The following FOXP3 variants were observed in gnomAD, a reference collection of about 807,000 sequenced individuals.
FOXP3 encodes the protein forkhead box P3.
FOXP3 carries 5 observed loss-of-function variants against 31.2 expected under a neutral mutation model. That is an observed-to-expected ratio of 0.16 (90% confidence interval 0.08 to 0.34). FOXP3 has a LOEUF of 0.34. Ranked by LOEUF, FOXP3 falls within the 10% of genes least tolerant of loss-of-function variation. The probability of loss-of-function intolerance (pLI) is 1.00; values close to 1 mark genes in which losing one functional copy is unlikely to be tolerated. For missense variants in FOXP3, 251 were observed against 363.0 expected (o/e 0.69, Z 2.51); for synonymous variants, 141 against 148.8 (o/e 0.95, Z 0.38).
intron 6 of FOXP3, among the ~76,000 whole-genome samples, chrX:49,256,546 A>G (rs782069205): frequency 8.9e-6 from 1 of 112,413 alleles, no homozygotes; most frequent in Non-Finnish European, 1.9e-5. Context: ...TATACATACG[A>G]GAAAACTGAG....
chrX:49,251,560 C>T (rs782758976), intron 11 of FOXP3, 77 bp from the exon 12 acceptor site: 65 of 1,208,303 alleles, frequency 5.4e-5, no homozygotes, highest in Non-Finnish European at 2.7e-5. Context: ...ACCCACATCC[C>T]GTTCCTCCCC....
Position 49,251,241 on chromosome X carries a change from G to T in FOXP3, c.*93C>A. ...AAACCTCACTTCTTGGTCCCTGTGG[G>T]CACATCCAGGGCCTATCATCCCTGC... On this transcript the variant is annotated 3_prime_UTR_variant, in exon 12 of 12. Transcript: ENST00000376207. 9.6e-7 allele frequency: 1 copy of T among 1,036,957 alleles called. No homozygotes were observed. Among genetic ancestry groups the T allele is most frequent in the Non-Finnish European group, 1.3e-6 (1 of 755,887 alleles). 85.5% of individuals were successfully genotyped at this position (1,036,957 alleles called of 1,213,427 possible). A position where few individuals can be genotyped will look rare whatever the true frequency, so the allele number is the denominator to read the frequency against.
intron 1 of FOXP3, among the ~76,000 whole-genome samples, chrX:49,260,027 A>T (rs1346809186): frequency 9.0e-6 from 1 of 110,828 alleles, no homozygotes; most frequent in Non-Finnish European, 1.9e-5. Flanking sequence ...TGTGGTGCTG[A>T]GGGAGATGAG....
At chrX:49,259,239 A>G (rs1557116892) in intron 1 of FOXP3, 1 of 525,699 alleles carries the variant, frequency 1.9e-6, no homozygotes, top group Non-Finnish European at 3.5e-6. Flanking sequence ...GATGGGGGAC[A>G]TGGCGGGGAG....
intron 1 of FOXP3, chrX:49,259,252 G>C: frequency 1.9e-6 from 1 of 525,675 alleles, no homozygotes; most frequent in South Asian, 2.5e-5. Flanking sequence ...GCGGGGAGTT[G>C]GATTGGGTGC....
At chrX:49,263,331 G>A (rs1428344793) in intron 1 of FOXP3, among the ~76,000 whole-genome samples, 1 of 112,105 alleles carries the variant, frequency 8.9e-6, no homozygotes, top group Non-Finnish European at 1.9e-5. Context: ...AGTAGAGGGA[G>A]CATAAAATAG....
At position 49,250,703 on chromosome X, in the gene FOXP3, CGTGT is replaced by C. The variant is rs2066024003; in HGVS notation, c.*627_*630del. On this transcript the variant is annotated 3_prime_UTR_variant, in exon 12 of 12. Coordinates refer to ENST00000376207, the MANE Select transcript of FOXP3 (RefSeq NM_014009.4). ...GATACACAGGTGAATTCTAACAGGC[CGTGT>C]GTGTGAGCGAGCACGTGTTGGGACC... 3.8e-6 allele frequency: 1 copy of C among 261,267 alleles called. No homozygotes were observed. The highest frequency in any genetic ancestry group is 7.2e-6 in the Non-Finnish European group (1 of 139,580). 21.5% of individuals were successfully genotyped at this position (261,267 alleles called of 1,213,427 possible). A position where few individuals can be genotyped will look rare whatever the true frequency, so the allele number is the denominator to read the frequency against.
intron 1 of FOXP3, among the ~76,000 whole-genome samples, chrX:49,263,172 CCA>C (rs2066120117): frequency 3.0e-5 from 1 of 33,126 alleles, no homozygotes; most frequent in Non-Finnish European, 8.0e-5. Flanking sequence ...GACCAGACAA[CCA>C]AAAAAAAAAA....
In FOXP3 at chrX:49,251,107, G is replaced by A. The variant is rs1233406255; in HGVS notation, c.*227C>T. On this transcript the variant is annotated 3_prime_UTR_variant, in exon 12 of 12. Transcript: ENST00000376207. The stretch of plus-strand genomic sequence containing the variant: ...GGGTGTGTCTGGGGCGGAGGTGGGG[G>A]CTGGGGCCAGGACCGGGGCCCCTCT... 5 of 433,974 alleles carry A rather than the reference G, an allele frequency of 1.2e-5. No individual in the cohort carries two copies. In the East Asian group the frequency reaches 1.9e-4, roughly 17 times the overall value. The allele number at this position is 433,974 out of a possible 1,213,427, so 35.8% of individuals were successfully genotyped here.
intron 9 of FOXP3, among the ~76,000 whole-genome samples, chrX:49,253,709 C>G (rs1454904753): frequency 8.9e-6 from 1 of 112,166 alleles, no homozygotes; most frequent in Non-Finnish European, 1.9e-5. Context: ...GGGCCCGACA[C>G]TCGAGACCAT....
At chrX:49,263,967 C>T (rs1425186152) in intron 1 of FOXP3, among the ~76,000 whole-genome samples, 1 of 112,123 alleles carries the variant, frequency 8.9e-6, no homozygotes, top group Non-Finnish European at 1.9e-5. Flanking sequence ...AACTGATGCT[C>T]ACTCTCATAA....
intron 1 of FOXP3, among the ~76,000 whole-genome samples, chrX:49,262,826 C>T (rs1290385204): frequency 3.6e-5 from 4 of 111,313 alleles, no homozygotes; most frequent in Admixed American, 9.5e-5. Flanking sequence ...ACACTCTTAA[C>T]CTCTATAGTA....
intron 1 of FOXP3, among the ~76,000 whole-genome samples, chrX:49,260,404 C>A (rs2066102887): frequency 8.9e-6 from 1 of 112,359 alleles, no homozygotes; most frequent in African/African-American, 3.2e-5. Flanking sequence ...GCAGCCAGAA[C>A]AAACTAATAC....
At chrX:49,257,063 CT>C (rs1557116485) in intron 4 of FOXP3, 51 bp from the exon 5 acceptor site, 4 of 1,072,500 alleles carry the variant, frequency 3.7e-6, no homozygotes, top group Non-Finnish European at 3.8e-6. Flanking sequence ...GGCTCTGGAG[CT>C]TGGCCCACAA....
intron 1 of FOXP3, 67 bp downstream of exon 1, chrX:49,264,594 G>A (rs2066129617): frequency 2.2e-5 from 15 of 685,472 alleles, no homozygotes; most frequent in East Asian, 3.2e-4. Flanking sequence ...CCCCCCCGCC[G>A]TGCCTACCTC....
rs1400830881 is a variant in FOXP3 at position 49,250,485 on chromosome X, G to A, written c.*849C>T. On this transcript the variant is annotated 3_prime_UTR_variant, in exon 12 of 12. Transcript: ENST00000376207. ...TTGGGGACGGTACTGTGGGTTGGGG[G>A]CCTTGGATCCCAAATAAATGAGTAG... 1 of 490,802 alleles carries A rather than the reference G, an allele frequency of 2.0e-6. No individual in the cohort carries two copies. The highest frequency in any genetic ancestry group is 3.7e-6 in the Non-Finnish European group (1 of 271,702). The allele number at this position is 490,802 out of a possible 1,213,427, so 40.4% of individuals were successfully genotyped here.
At chrX:49,253,014 G>A in intron 10 of FOXP3, 112 bp downstream of exon 10, 1 of 625,122 alleles carries the variant, frequency 1.6e-6, no homozygotes, top group Non-Finnish European at 2.5e-6. Context: ...CTGGGGCTTG[G>A]GAATGGAGGA....
intron 9 of FOXP3, among the ~76,000 whole-genome samples, chrX:49,253,488 T>C (rs1234802341): frequency 8.8e-6 from 1 of 113,378 alleles, no homozygotes; most frequent in African/African-American, 3.2e-5. Context: ...TCAAGGTCTC[T>C]GATCCCTGCT....
At chrX:49,257,356 C>T (rs2066080394) in intron 4 of FOXP3, 71 bp downstream of exon 4, 23 of 1,109,360 alleles carry the variant, frequency 2.1e-5, no homozygotes, top group Non-Finnish European at 2.6e-5. Flanking sequence ...GAATAGCCTA[C>T]ACTGCTCACA....
Sources: gnomAD v4.1 joint callset for allele counts (sites outside exome capture counted in the v4.1 genomes callset) on GRCh38, gnomAD v4.1.1 for gene constraint, MANE v1.5 for transcripts, NCBI Gene and HGNC (gene_info 2026-07-23, HGNC 2026-07-21) for gene names.